The following OR2AE1 variants were observed in gnomAD, a reference collection of about 807,000 sequenced individuals.
The protein encoded by OR2AE1 is olfactory receptor family 2 subfamily AE member 1.
For missense variants in OR2AE1, 400 were observed against 395.6 expected, an observed-to-expected ratio of 1.01 and a Z score of -0.09; for synonymous variants, 159 against 153.6, an observed-to-expected ratio of 1.04 and a Z score of -0.26.
Position 99,876,876 on chromosome 7 carries a change from G to C in OR2AE1, c.158C>G (p.Pro53Arg), listed in dbSNP as rs546870217. The change falls in exon 1 of 1, where the codon CCC becomes CGC. Residue 53 changes from proline (P) to arginine (R), a missense_variant. Physicochemically the swap from Pro to Arg is moderately radical, Grantham distance 103. Transcript: ENST00000316368. ...TLTILLICID[P>R]QLHTPMYFLL... ...GAAATACATTGGTGTATGAAGCTGG[G>C]GATCAATGCAGATGAGGAGAATGGT... 6.2e-7 allele frequency: 1 copy of C among 1,614,028 alleles called. No individual in the cohort carries two copies. The highest frequency in any genetic ancestry group is 8.5e-7 in the Non-Finnish European group (1 of 1,179,974).
In OR2AE1 at chr7:99,876,259, T is replaced by C; in HGVS notation, c.775A>G (p.Met259Val). The part of the protein sequence containing the change: ...LWFGACIFSY[M>V]RPRSQCTLLQ... ...AGAGTGCACTGGGACCTGGGTCTCATGTAGGAGAAGATGCAGGCACCAAAC... is the reference window on the plus strand; with the variant it reads ...AGAGTGCACTGGGACCTGGGTCTCACGTAGGAGAAGATGCAGGCACCAAAC... The change falls in exon 1 of 1, where the codon ATG (methionine) becomes GTG (valine). Residue 259 changes from methionine (M) to valine (V), a missense_variant. Met to Val is a conservative substitution (Grantham distance 21, BLOSUM62 1). Transcript: ENST00000316368. 1.2e-6 allele frequency: 2 copies of C among 1,614,168 alleles called. No homozygotes were observed. The highest frequency in any genetic ancestry group is 8.5e-7 in the Non-Finnish European group (1 of 1,180,008).
rs777835688 is a variant in OR2AE1, at chr7:99,876,615, A to T, written c.419T>A (p.Val140Glu). 1 of 1,614,006 alleles carries T rather than the reference A, an allele frequency of 6.2e-7. No individual in the cohort carries two copies. The highest frequency in any genetic ancestry group is 2.2e-5 in the East Asian group (1 of 44,882). ...TGACATGACAGCCATCATCAGTCCC[A>T]CCTTCTTGTTCATGAGCACAGCATA... is the stretch of plus-strand genomic sequence containing the variant. ...LRYAVLMNKK[V>E]GLMMAVMSWL... Residue 140 changes from valine (V) to glutamate (E), a missense_variant, in exon 1 of 1, where the codon GTG (valine) becomes GAG (glutamate). Val to Glu is a moderately radical substitution (Grantham distance 121). Coordinates refer to ENST00000316368, the MANE Select transcript of OR2AE1 (RefSeq NM_001005276.1).
rs776625123 is a variant in OR2AE1 at position 99,876,406 on chromosome 7, T to C, written c.628A>G (p.Ile210Val). Residue 210 changes from isoleucine (I) to valine (V), a missense_variant, in exon 1 of 1, where the codon ATC becomes GTC. Coordinates refer to ENST00000316368, the MANE Select transcript of OR2AE1 (RefSeq NM_001005276.1). ...ACATAGGATGTAGAAATCAGGAAGA[T>C]GGGGAGGAGGAGGAGAATGCTGCTG... is the stretch of plus-strand genomic sequence containing the variant. The part of the protein sequence containing the change: ...YISSILLLLP[I>V]FLISTSYVFI... 5 of 1,613,872 alleles carry C rather than the reference T, an allele frequency of 3.1e-6. No homozygotes were observed. Among genetic ancestry groups the C allele is most frequent in the Admixed American group, 3.3e-5 (2 of 59,998 alleles).
At position 99,876,143 on chromosome 7, in the gene OR2AE1, A is replaced by C. The variant is rs773814538; in HGVS notation, c.891T>G (p.Ala297=). The C allele has an allele frequency of 2.5e-6, 4 of 1,614,008 alleles. No homozygotes were observed. In the South Asian group the frequency reaches 4.4e-5, roughly 18 times the overall value. The change falls in exon 1 of 1, where the codon GCT becomes GCG. Residue 297 remains alanine, a synonymous_variant. Coordinates refer to ENST00000316368, the MANE Select transcript of OR2AE1 (RefSeq NM_001005276.1). ...LIYTLRNKDV[A]KALRRVLRRD... ...TCCTCAGCACTCTTCTCAGAGCCTT[A>C]GCTACATCTTTATTCCGGAGAGTAT... is the stretch of plus-strand genomic sequence containing the variant.
rs760447246 is a variant in OR2AE1, at chr7:99,876,159, C to T, written c.875G>A (p.Arg292Gln). Residue 292 changes from arginine (R) to glutamine (Q), a missense_variant, in exon 1 of 1, where the codon CGG becomes CAG. By Grantham distance (43) the Arg-to-Gln change is conservative (BLOSUM62 1). Coordinates refer to ENST00000316368, the MANE Select transcript of OR2AE1 (RefSeq NM_001005276.1). Reference sequence around the variant, plus strand: ...CAGAGCCTTAGCTACATCTTTATTCCGGAGAGTATAAATCAGAGAATTCAA... The same window carrying T: ...CAGAGCCTTAGCTACATCTTTATTCTGGAGAGTATAAATCAGAGAATTCAA... ...PTLNSLIYTL[R>Q]NKDVAKALRR... 1.2e-5 allele frequency: 19 copies of T among 1,613,936 alleles called. No homozygotes were observed. The highest frequency in any genetic ancestry group is 5.5e-5 in the South Asian group (5 of 91,082).
In OR2AE1 at chr7:99,876,300, G is replaced by A. The variant is rs201572604; in HGVS notation, c.734C>T (p.Thr245Met). 33 of 1,614,230 alleles carry A rather than the reference G, an allele frequency of 2.0e-5. No homozygotes were observed. Among genetic ancestry groups the A allele is most frequent in the Middle Eastern group, 3.3e-4 (2 of 6,062 alleles). The stretch of plus-strand genomic sequence containing the variant: ...GGCACCAAACCAAAGAGAAACCACC[G>A]TGAGGTGGGAGCCACAAGTGGCAAA... ...NAFATCGSHLTVVSLWFGACI... is the reference protein window; with the variant it reads ...NAFATCGSHLMVVSLWFGACI... Residue 245 changes from threonine (T) to methionine (M), a missense_variant, in exon 1 of 1, where the codon ACG becomes ATG. Transcript: ENST00000316368.
In OR2AE1 at chr7:99,876,180, T is replaced by C; in HGVS notation, c.854A>G (p.Asn285Ser). 1 of 1,614,210 alleles carries C rather than the reference T, an allele frequency of 6.2e-7. No individual in the cohort carries two copies. The highest frequency in any genetic ancestry group is 1.7e-5 in the Admixed American group (1 of 60,026). Residue 285 changes from asparagine (N) to serine (S), a missense_variant, in exon 1 of 1, where the codon AAT becomes AGT. Asn to Ser is a conservative substitution (Grantham distance 46). Transcript: ENST00000316368. ...VFYSIITPTL[N>S]SLIYTLRNKD... ...ATTCCGGAGAGTATAAATCAGAGAA[T>C]TCAATGTGGGCGTAATGATGCTGTA...
chr7:99,876,446 C>A lies in OR2AE1; in HGVS notation c.588G>T (p.Glu196Asp), dbSNP rs1818627512. Residue 196 changes from glutamate to aspartate, a missense_variant, in exon 1 of 1, where the codon GAG becomes GAT. Coordinates refer to ENST00000316368, the MANE Select transcript of OR2AE1 (RefSeq NM_001005276.1). The part of the protein sequence containing the change: ...KLVCGDITVY[E>D]TTVYISSILL... ...GAATGCTGCTGATGTACACTGTGGT[C>A]TCATACACAGTGATGTCGCCACATA... 1 of 1,614,100 alleles carries A rather than the reference C, an allele frequency of 6.2e-7. No individual in the cohort carries two copies. The highest frequency in any genetic ancestry group is 1.1e-5 in the South Asian group (1 of 91,070).
Position 99,876,210 on chromosome 7 carries a change from A to G in OR2AE1, c.824T>C (p.Val275Ala), listed in dbSNP as rs1324769493. The G allele has an allele frequency of 3.2e-5, 51 of 1,614,080 alleles. No individual in the cohort carries two copies. Among genetic ancestry groups the G allele is most frequent in the Non-Finnish European group, 4.2e-5 (50 of 1,180,020 alleles). The change falls in exon 1 of 1, where the codon GTG becomes GCG. Residue 275 changes from valine (V) to alanine (A), a missense_variant. Coordinates refer to ENST00000316368, the MANE Select transcript of OR2AE1 (RefSeq NM_001005276.1). Reference sequence around the variant, plus strand: ...TGTGGGCGTAATGATGCTGTAGAACACAGAACCAACTTTGTTCTGCAATAG... The same window carrying G: ...TGTGGGCGTAATGATGCTGTAGAACGCAGAACCAACTTTGTTCTGCAATAG... ...CTLLQNKVGS[V>A]FYSIITPTLN...
In OR2AE1 at chr7:99,876,383, A is replaced by C; in HGVS notation, c.651T>G (p.Tyr217Ter). The change falls in exon 1 of 1, where the codon TAT becomes TAG. Residue 217 changes from tyrosine (Y) to a stop codon, truncating the protein, a stop_gained. Transcript: ENST00000316368. LOFTEE classifies it low-confidence loss of function (END_TRUNC). ...GAATGACACTTTGAAGGATGAAGACATAGGATGTAGAAATCAGGAAGATGG... is the reference window on the plus strand; with the variant it reads ...GAATGACACTTTGAAGGATGAAGACCTAGGATGTAGAAATCAGGAAGATGG... ...LLPIFLISTS[Y>*]VFILQSVIQM... 1 of 1,614,232 alleles carries C rather than the reference A, an allele frequency of 6.2e-7. No homozygotes were observed. The highest frequency in any genetic ancestry group is 1.1e-5 in the South Asian group (1 of 91,082).
chr7:99,876,422 A>G lies in OR2AE1; in HGVS notation c.612T>C (p.Ile204=), dbSNP rs762868947. The G allele has an allele frequency of 1.2e-5, 20 of 1,614,062 alleles. No homozygotes were observed. In the East Asian group the frequency reaches 3.8e-4, roughly 31 times the overall value. ...TCAGGAAGATGGGGAGGAGGAGGAG[A>G]ATGCTGCTGATGTACACTGTGGTCT... is the stretch of plus-strand genomic sequence containing the variant. ...VYETTVYISS[I]LLLLPIFLIS... is the part of the protein sequence containing the mutation. Residue 204 remains isoleucine, a synonymous_variant, in exon 1 of 1, where the codon ATT becomes ATC. Transcript: ENST00000316368.
In OR2AE1 at chr7:99,876,879, T is replaced by C. The variant is rs766636898; in HGVS notation, c.155A>G (p.Asp52Gly). 44 of 1,613,792 alleles carry C rather than the reference T, an allele frequency of 2.7e-5. No individual in the cohort carries two copies. The highest frequency in any genetic ancestry group is 3.3e-4 in the Middle Eastern group (2 of 6,084). The change falls in exon 1 of 1, where the codon GAT (aspartate) becomes GGT (glycine). Residue 52 changes from aspartate to glycine, a missense_variant. Coordinates refer to ENST00000316368, the MANE Select transcript of OR2AE1 (RefSeq NM_001005276.1). ...ATACATTGGTGTATGAAGCTGGGGATCAATGCAGATGAGGAGAATGGTGAG... is the reference window on the plus strand; with the variant it reads ...ATACATTGGTGTATGAAGCTGGGGACCAATGCAGATGAGGAGAATGGTGAG... ...NTLTILLICIDPQLHTPMYFL... is the reference protein window; with the variant it reads ...NTLTILLICIGPQLHTPMYFL...
At position 99,876,082 on chromosome 7, in the gene OR2AE1, A is replaced by T. The variant is rs1253717716; in HGVS notation, c.952T>A (p.Leu318Met). 6.2e-7 allele frequency: 1 copy of T among 1,600,020 alleles called. No homozygotes were observed. The highest frequency in any genetic ancestry group is 8.5e-7 in the Non-Finnish European group (1 of 1,174,218). The change falls in exon 1 of 1, where the codon TTG (leucine) becomes ATG (methionine). Residue 318 changes from leucine to methionine, a missense_variant. Leu to Met is a conservative substitution (Grantham distance 15). Transcript: ENST00000316368. ...VITQCIQRLQ[L>M]WLPRV The stretch of plus-strand genomic sequence containing the variant: ...CCACTCTACACTCGGGGCAACCACA[A>T]TTGCAGTCGTTGAATGCACTGGGTG...
Position 99,876,434 on chromosome 7 carries a change from G to A in OR2AE1, c.600C>T (p.Tyr200=). ...GDITVYETTV[Y]ISSILLLLPI... Reference sequence around the variant, plus strand: ...GGAGGAGGAGGAGAATGCTGCTGATGTACACTGTGGTCTCATACACAGTGA... The same window carrying A: ...GGAGGAGGAGGAGAATGCTGCTGATATACACTGTGGTCTCATACACAGTGA... Residue 200 remains tyrosine, a synonymous_variant, in exon 1 of 1, where the codon TAC becomes TAT. Transcript: ENST00000316368. 6.2e-7 allele frequency: 1 copy of A among 1,614,188 alleles called. No individual in the cohort carries two copies. The highest frequency in any genetic ancestry group is 8.5e-7 in the Non-Finnish European group (1 of 1,180,042).
chr7:99,876,457 T>G lies in OR2AE1; in HGVS notation c.577A>C (p.Thr193Pro). Residue 193 changes from threonine (T) to proline (P), a missense_variant, in exon 1 of 1, where the codon ACT becomes CCT. Physicochemically the swap from Thr to Pro is conservative, Grantham distance 38. Transcript: ENST00000316368. Reference sequence around the variant, plus strand: ...ATGTACACTGTGGTCTCATACACAGTGATGTCGCCACATACCAACTTCACA... The same window carrying G: ...ATGTACACTGTGGTCTCATACACAGGGATGTCGCCACATACCAACTTCACA... ...AVVKLVCGDI[T>P]VYETTVYISS... The G allele has an allele frequency of 6.2e-7, 1 of 1,614,118 alleles. No individual in the cohort carries two copies. Among genetic ancestry groups the G allele is most frequent in the Non-Finnish European group, 8.5e-7 (1 of 1,180,022 alleles).
In OR2AE1 at chr7:99,876,317, A is replaced by G. The variant is rs376481425; in HGVS notation, c.717T>C (p.Thr239=). The G allele has an allele frequency of 1.2e-6, 2 of 1,614,126 alleles. No homozygotes were observed. The highest frequency in any genetic ancestry group is 1.7e-6 in the Non-Finnish European group (2 of 1,180,046). The stretch of plus-strand genomic sequence containing the variant: ...AAACCACCGTGAGGTGGGAGCCACA[A>G]GTGGCAAAGGCATTTCTCTTGCTCC... The part of the protein sequence containing the change: ...SSGSKRNAFA[T]CGSHLTVVSL... The change falls in exon 1 of 1, where the codon ACT becomes ACC. Residue 239 remains threonine (T), a synonymous_variant. Transcript: ENST00000316368.
In OR2AE1 at chr7:99,876,877, G is replaced by GA; in HGVS notation, c.156dup (p.Pro53SerfsTer59). 1 of 1,614,030 alleles carries GA rather than the reference G, an allele frequency of 6.2e-7. No individual in the cohort carries two copies. The highest frequency in any genetic ancestry group is 8.5e-7 in the Non-Finnish European group (1 of 1,179,940). The stretch of plus-strand genomic sequence containing the variant: ...AAATACATTGGTGTATGAAGCTGGG[G>GA]ATCAATGCAGATGAGGAGAATGGTG... On this transcript the variant is annotated frameshift_variant, in exon 1 of 1. Coordinates refer to ENST00000316368, the MANE Select transcript of OR2AE1 (RefSeq NM_001005276.1). LOFTEE classifies it low-confidence loss of function (END_TRUNC).
chr7:99,876,523 G>A lies in OR2AE1; in HGVS notation c.511C>T (p.Pro171Ser), dbSNP rs539930180. The A allele has an allele frequency of 3.7e-6, 6 of 1,614,148 alleles. No individual in the cohort carries two copies. In the African/African-American group the frequency reaches 6.7e-5, roughly 18 times the overall value. Residue 171 changes from proline to serine, a missense_variant, in exon 1 of 1, where the codon CCT (proline) becomes TCT (serine). Physicochemically the swap from Pro to Ser is moderately conservative, Grantham distance 74. Coordinates refer to ENST00000316368, the MANE Select transcript of OR2AE1 (RefSeq NM_001005276.1). The stretch of plus-strand genomic sequence containing the variant: ...CAGTAGAAGTGGTAGACTTTCCGAG[G>A]CCCACAGAAAGGGAAGTGCATCAAG... ...AILMHFPFCG[P>S]RKVYHFYCEF...
Position 99,877,005 on chromosome 7 carries a change from G to T in OR2AE1, c.29C>A (p.Ala10Glu). The change falls in exon 1 of 1, where the codon GCA becomes GAA. Residue 10 changes from alanine (A) to glutamate (E), a missense_variant. Coordinates refer to ENST00000316368, the MANE Select transcript of OR2AE1 (RefSeq NM_001005276.1). Reference sequence around the variant, plus strand: ...GAAGAGCCCCTCAAGGATGAAGTCTGCCAGAGAGGTCTGATTCTTCTGCCA... The same window carrying T: ...GAAGAGCCCCTCAAGGATGAAGTCTTCCAGAGAGGTCTGATTCTTCTGCCA... MWQKNQTSL[A>E]DFILEGLFDD... 1 of 1,612,916 alleles carries T rather than the reference G, an allele frequency of 6.2e-7. No homozygotes were observed. Among genetic ancestry groups the T allele is most frequent in the Non-Finnish European group, 8.5e-7 (1 of 1,179,458 alleles).
Sources: allele counts gnomAD v4.1 joint callset, GRCh38; gene constraint gnomAD v4.1.1; transcripts MANE v1.5; gene names NCBI Gene and HGNC (gene_info 2026-07-23, HGNC 2026-07-21).